NRG1: variants seen among roughly 807,000 people sequenced by gnomAD.
NRG1 encodes neuregulin 1, also known as pro-neuregulin-1, membrane-bound isoform.
In NRG1, 18 loss-of-function variants were observed where a neutral mutation model predicts 63.8. The observed-to-expected ratio is 0.28, with a 90% confidence interval of 0.19 to 0.42. NRG1 has a LOEUF of 0.42. Among genes scored for constraint, NRG1 ranks in the 10% least tolerant of loss-of-function variants. The pLI is 1.00. For synonymous variants in NRG1, 302 were observed against 301.3 expected (o/e 1.00, Z -0.02); for missense variants, 762 against 814.7 (o/e 0.94, Z 0.79).
intron 1 of NRG1, among the ~76,000 whole-genome samples, chr8:31,916,608 T>C (rs1184358516): frequency 6.6e-6 from 1 of 152,244 alleles, no homozygotes; most frequent in African/African-American, 2.4e-5. Context: ...CTATCATTGT[T>C]GGACATTTGG....
chr8:32,394,729 C>G (rs1375193383), intron 1 of NRG1, among the ~76,000 whole-genome samples: 3 of 152,156 alleles, frequency 2.0e-5, no homozygotes, highest in Non-Finnish European at 2.9e-5. Context: ...TCCTTCTCCC[C>G]CTTCATAAAA....
chr8:31,642,119 A>C (rs1803852238), intron 1 of NRG1, among the ~76,000 whole-genome samples: 1 of 152,196 alleles, frequency 6.6e-6, no homozygotes, highest in Non-Finnish European at 1.5e-5. Flanking sequence ...GGATTCCCCG[A>C]GACCCACTGA....
At chr8:32,181,977 T>C in intron 1 of NRG1, among the ~76,000 whole-genome samples, 1 of 152,354 alleles carries the variant, frequency 6.6e-6, no homozygotes, top group South Asian at 2.1e-4. Flanking sequence ...TTAGTCTAAA[T>C]GTATTAAACT....
At chr8:32,144,545 A>G (rs547628609) in intron 1 of NRG1, among the ~76,000 whole-genome samples, 51 of 152,324 alleles carry the variant, frequency 3.3e-4, no homozygotes, top group African/African-American at 1.2e-3. Flanking sequence ...CCTGTTTTGC[A>G]TAATTCACCA....
At chr8:32,086,052 G>A (rs1174543118) in intron 1 of NRG1, among the ~76,000 whole-genome samples, 1 of 152,182 alleles carries the variant, frequency 6.6e-6, no homozygotes, top group Non-Finnish European at 1.5e-5. Context: ...AAATTTAATG[G>A]CATTTCTGAG....
At chr8:32,629,301 A>T (rs1196897952) in intron 5 of NRG1, among the ~76,000 whole-genome samples, 1 of 152,178 alleles carries the variant, frequency 6.6e-6, no homozygotes, top group Admixed American at 6.5e-5. Context: ...CTTGAACCAC[A>T]GTCTTGCCAC....
intron 1 of NRG1, among the ~76,000 whole-genome samples, chr8:31,792,773 G>T (rs1014241388): frequency 6.6e-6 from 1 of 152,104 alleles, no homozygotes. Context: ...GAGAAGTCTG[G>T]AACATGCCAC....
Position 32,316,718 on chromosome 8 carries a change from A to T in NRG1, c.38-279110A>T, listed in dbSNP as rs1434891790. Among the ~76,000 whole-genome samples, 3 of 152,016 alleles carry T rather than the reference A, an allele frequency of 2.0e-5. No individual in the cohort carries two copies. In the East Asian group the frequency reaches 5.8e-4, roughly 29 times the overall value. On this transcript the variant is annotated intron_variant, in intron 1 of 10. Coordinates refer to the NRG1 transcript ENST00000519301. ...ACCTCACCTTGATCCTCGGTGTGAA[A>T]CTTCACTCATTACTGATGCATTGCA...
intron 1 of NRG1, among the ~76,000 whole-genome samples, chr8:32,463,764 C>A (rs1419302082): frequency 6.6e-6 from 1 of 151,472 alleles, no homozygotes; most frequent in Admixed American, 6.6e-5. Context: ...TCACTTGAGC[C>A]CAGGAGGTCA....
intron 1 of NRG1, among the ~76,000 whole-genome samples, chr8:32,169,006 C>G (rs530692793): frequency 2.0e-5 from 3 of 152,302 alleles, no homozygotes; most frequent in Non-Finnish European, 2.9e-5. Flanking sequence ...ACTTTCCTAC[C>G]ACTGTCCCTG....
chr8:32,315,872 G>T (rs1857325967), intron 1 of NRG1, among the ~76,000 whole-genome samples: 1 of 152,180 alleles, frequency 6.6e-6, no homozygotes, highest in Non-Finnish European at 1.5e-5. Flanking sequence ...TGGGCCAAAT[G>T]CTTTGTATGT....
intron 1 of NRG1, among the ~76,000 whole-genome samples, chr8:31,838,551 A>G (rs1230353344): frequency 2.6e-5 from 4 of 152,136 alleles, no homozygotes; most frequent in Non-Finnish European, 5.9e-5. Flanking sequence ...AAAGCATTGA[A>G]TCTTTCTATC....
At chr8:31,728,161 G>C (rs1254732820) in intron 1 of NRG1, among the ~76,000 whole-genome samples, 2 of 152,140 alleles carry the variant, frequency 1.3e-5, no homozygotes, top group Non-Finnish European at 2.9e-5. Context: ...GATATGGGAA[G>C]ACTCCTATAG....
At chr8:32,676,362 A>G (rs1807119738) in intron 5 of NRG1, among the ~76,000 whole-genome samples, 1 of 152,090 alleles carries the variant, frequency 6.6e-6, no homozygotes, top group East Asian at 1.9e-4. Context: ...GTTGTGCAAC[A>G]TTTTGCTGTC....
At chr8:32,368,947 C>A (rs1267081446) in intron 1 of NRG1, among the ~76,000 whole-genome samples, 1 of 152,200 alleles carries the variant, frequency 6.6e-6, no homozygotes, top group African/African-American at 2.4e-5. Context: ...TCTCTATACA[C>A]CTGTAACATG....
intron 1 of NRG1, among the ~76,000 whole-genome samples, chr8:32,121,515 C>T (rs1833444494): frequency 6.6e-6 from 1 of 151,886 alleles, no homozygotes; most frequent in South Asian, 2.1e-4. Flanking sequence ...ACTCTGAATT[C>T]CCTATTTCCT....
chr8:32,497,245 G>A (rs183123680), intron 1 of NRG1, among the ~76,000 whole-genome samples: 53 of 152,066 alleles, frequency 3.5e-4, no homozygotes, highest in Admixed American at 7.2e-4. Flanking sequence ...TCAGGAGTTC[G>A]AGACCAGCCT....
intron 5 of NRG1, among the ~76,000 whole-genome samples, chr8:32,711,009 A>G (rs1817663277): frequency 6.6e-6 from 1 of 152,180 alleles, no homozygotes. Context: ...GTTTGCAAAC[A>G]TAGAGAAATA....
At chr8:32,648,447 C>G (rs1854194813) in intron 5 of NRG1, 1 of 1,551,184 alleles carries the variant, frequency 6.4e-7, no homozygotes, top group Non-Finnish European at 8.7e-7. Flanking sequence ...TTTGAGGTCC[C>G]CAAAGGACAT....
Sources: gnomAD v4.1 joint callset for allele counts (sites outside exome capture counted in the v4.1 genomes callset) on GRCh38, gnomAD v4.1.1 for gene constraint, MANE v1.5 for transcripts, NCBI Gene and HGNC (gene_info 2026-07-23, HGNC 2026-07-21) for gene names.